OPCML: variants seen among roughly 807,000 people sequenced by gnomAD.
OPCML encodes opioid binding protein/cell adhesion molecule like, also known as opioid-binding protein/cell adhesion molecule.
A neutral mutation model predicts 37.8 loss-of-function variants in OPCML; 13 were observed. The ratio of observed to expected loss-of-function variants is 0.34; its 90% confidence interval spans 0.22 to 0.55. The LOEUF (loss-of-function observed/expected upper bound fraction) is 0.55. Among genes scored for constraint, OPCML ranks in the 20% least tolerant of loss-of-function variants. The pLI is 0.91. For missense variants in OPCML, 341 were observed against 435.6 expected, an observed-to-expected ratio of 0.78 and a Z score of 1.93; for synonymous variants, 176 against 168.8, an observed-to-expected ratio of 1.04 and a Z score of -0.33.
chr11:133,371,013 A>T (rs1348421359), intron 1 of OPCML, among the ~76,000 whole-genome samples: 1 of 152,238 alleles, frequency 6.6e-6, no homozygotes, highest in Admixed American at 6.5e-5. Flanking sequence ...GACAAAGGAC[A>T]TGAATAGATA....
In OPCML at chr11:133,458,602, T is replaced by TGTATACACATATATAC. The variant is rs1946768262; in HGVS notation, c.61+73661_61+73662insGTATATATGTGTATAC. Among the ~76,000 whole-genome samples the TGTATACACATATATAC allele has an allele frequency of 1.7e-5, 2 of 119,248 alleles. 1 individual carries two copies. Among genetic ancestry groups the TGTATACACATATATAC allele is most frequent in the African/African-American group, 1.3e-4 (2 of 15,542 alleles). 78.2% of individuals were successfully genotyped at this position (119,248 alleles called of 152,430 possible). A position where few individuals can be genotyped will look rare whatever the true frequency, so the allele number is the denominator to read the frequency against. On this transcript the variant is annotated intron_variant, in intron 1 of 7. Coordinates refer to ENST00000524381, the MANE Select transcript of OPCML (RefSeq NM_001012393.5). ...GTGTGTACACATATATACACGTGTG[T>TGTATACACATATATAC]GTGTGTATACACATATATACACGTG...
chr11:133,029,007 CAACTT>C (rs554659131), intron 1 of OPCML, among the ~76,000 whole-genome samples: 147 of 151,568 alleles, frequency 9.7e-4, no homozygotes, highest in African/African-American at 3.4e-3. Flanking sequence ...GGAGTTCGAA[CAACTT>C]AACAAGCAAA....
intron 1 of OPCML, among the ~76,000 whole-genome samples, chr11:133,346,803 C>T (rs1277976493): frequency 1.3e-5 from 2 of 152,076 alleles, no homozygotes; most frequent in Non-Finnish European, 2.9e-5. Flanking sequence ...AACTTCTGGA[C>T]TAGATGTTAG....
intron 1 of OPCML, among the ~76,000 whole-genome samples, chr11:133,525,824 G>C (rs116477694): frequency 6.6e-6 from 1 of 152,144 alleles, no homozygotes; most frequent in African/African-American, 2.4e-5. Context: ...GTCACTTATC[G>C]TTTCCCATGC....
chr11:132,626,915 T>A (rs187944683), intron 3 of OPCML, among the ~76,000 whole-genome samples: 230 of 148,398 alleles, frequency 1.5e-3, no homozygotes, highest in African/African-American at 5.3e-3. Context: ...ATAAAACATA[T>A]ATAAAGCTTT....
intron 1 of OPCML, among the ~76,000 whole-genome samples, chr11:133,309,311 A>T (rs944200237): frequency 1.3e-5 from 2 of 152,328 alleles, no homozygotes; most frequent in Admixed American, 1.3e-4. Flanking sequence ...TGTGAAGGGC[A>T]CAAGATCTCT....
At chr11:132,463,792 C>T (rs2096110940) in intron 4 of OPCML, among the ~76,000 whole-genome samples, 1 of 152,142 alleles carries the variant, frequency 6.6e-6, no homozygotes, top group Admixed American at 6.5e-5. Context: ...GGGCCCCTCC[C>T]CTGGGAATTA....
At chr11:133,508,278 A>G (rs1015510312) in intron 1 of OPCML, among the ~76,000 whole-genome samples, 1 of 152,164 alleles carries the variant, frequency 6.6e-6, no homozygotes, top group Admixed American at 6.5e-5. Flanking sequence ...TACAAATCAG[A>G]GGAAGGTTAT....
At chr11:132,633,983 C>T (rs767820422) in intron 3 of OPCML, among the ~76,000 whole-genome samples, 1 of 152,198 alleles carries the variant, frequency 6.6e-6, no homozygotes, top group Non-Finnish European at 1.5e-5. Flanking sequence ...CAGTGTGTGG[C>T]TTGGACCATC....
chr11:132,689,418 G>A (rs779282833), intron 2 of OPCML, among the ~76,000 whole-genome samples: 60 of 152,290 alleles, frequency 3.9e-4, no homozygotes, highest in Non-Finnish European at 6.9e-4. Context: ...GACTCTCTCC[G>A]TGTATTGACA....
chr11:133,404,577 C>T (rs75928121), intron 1 of OPCML, among the ~76,000 whole-genome samples: 2,790 of 152,286 alleles, frequency 0.018, 55 homozygotes, highest in East Asian at 0.063. Context: ...GGTTACATAG[C>T]CAGCCTCTTA....
intron 2 of OPCML, 31 bp downstream of exon 2, chr11:132,942,895 G>GCTCGGGA: frequency 6.2e-7 from 1 of 1,613,328 alleles, no homozygotes; most frequent in Non-Finnish European, 8.5e-7. Flanking sequence ...CAGCCCAGGG[G>GCTCGGGA]CTCGGCCCCC....
In OPCML at chr11:133,010,927, C is replaced by A. The variant is rs148987009; in HGVS notation, c.62-67917G>T. 8.7e-3 allele frequency among the ~76,000 whole-genome samples: 1,320 copies of A among 152,216 alleles called. 21 individuals are homozygous for A. The highest frequency in any genetic ancestry group is 0.03 in the African/African-American group (1,265 of 41,516). On this transcript the variant is annotated intron_variant, in intron 1 of 7. Transcript: ENST00000524381. Reference sequence around the variant, plus strand: ...CAGGGAATTTATTTGTGTGTAAGTTCGTAATAAGTTCACATAATCAAACAG... The same window carrying A: ...CAGGGAATTTATTTGTGTGTAAGTTAGTAATAAGTTCACATAATCAAACAG...
chr11:133,456,433 A>G (rs1946672753), intron 1 of OPCML, among the ~76,000 whole-genome samples: 1 of 152,076 alleles, frequency 6.6e-6, no homozygotes, highest in Non-Finnish European at 1.5e-5. Context: ...GGAAAGGTTG[A>G]TGTGTTTTCA....
At chr11:132,468,270 C>T (rs1413084115) in intron 4 of OPCML, among the ~76,000 whole-genome samples, 3 of 152,292 alleles carry the variant, frequency 2.0e-5, no homozygotes, top group East Asian at 1.9e-4. Flanking sequence ...CAAAGTACAC[C>T]TCTCCTTCCC....
chr11:132,734,393 C>T (rs1945185120), intron 2 of OPCML, among the ~76,000 whole-genome samples: 1 of 152,176 alleles, frequency 6.6e-6, no homozygotes, highest in Admixed American at 6.5e-5. Context: ...GAATGACTCA[C>T]TCTGGAGGAA....
rs139615231 is a variant in OPCML at position 133,019,439 on chromosome 11, C to T, written c.62-76429G>A. Among the ~76,000 whole-genome samples the T allele has an allele frequency of 4.6e-5, 7 of 152,262 alleles. No individual in the cohort carries two copies. The East Asian group carries it at 9.7e-4, about 21-fold the overall frequency. On this transcript the variant is annotated intron_variant, in intron 1 of 7. Coordinates refer to ENST00000524381, the MANE Select transcript of OPCML (RefSeq NM_001012393.5). ...GGCCCCTTCTCCATGTCTCTCCATGCGGACACCACTTGATATTTGAATCTA... is the reference window on the plus strand; with the variant it reads ...GGCCCCTTCTCCATGTCTCTCCATGTGGACACCACTTGATATTTGAATCTA...
chr11:133,130,688 A>T (rs1307031647), intron 1 of OPCML, among the ~76,000 whole-genome samples: 1 of 152,202 alleles, frequency 6.6e-6, no homozygotes, highest in East Asian at 1.9e-4. Context: ...CAAATTCAAG[A>T]CATACAAAGC....
chr11:132,550,635 A>G (rs535053630), intron 3 of OPCML, among the ~76,000 whole-genome samples: 1 of 152,344 alleles, frequency 6.6e-6, no homozygotes, highest in South Asian at 2.1e-4. Context: ...GAATGGCCTA[A>G]GAGGGCATCT....
Sources: gnomAD v4.1 joint callset for allele counts (sites outside exome capture counted in the v4.1 genomes callset) on GRCh38, gnomAD v4.1.1 for gene constraint, MANE v1.5 for transcripts, NCBI Gene and HGNC (gene_info 2026-07-23, HGNC 2026-07-21) for gene names.